Variants in LRRC4C observed in about 807,000 individuals in gnomAD.
The protein encoded by LRRC4C is leucine rich repeat containing 4C, also known as leucine-rich repeat-containing protein 4C.
Under a neutral mutation model 33.6 loss-of-function variants are expected in LRRC4C, and 5 were observed. The observed-to-expected ratio is 0.15, with a 90% confidence interval of 0.08 to 0.31. The LOEUF is 0.31. Among genes scored for constraint, LRRC4C ranks in the 10% least tolerant of loss-of-function variants. The pLI is 1.00. For missense variants in LRRC4C, 560 were observed against 796.7 expected (o/e 0.70, Z 3.58); for synonymous variants, 329 against 302.0 (o/e 1.09, Z -0.93).
chr11:41,257,953 A>G (rs1241475355), intron 1 of LRRC4C, among the ~76,000 whole-genome samples: 1 of 151,846 alleles, frequency 6.6e-6, no homozygotes, highest in Non-Finnish European at 1.5e-5. Flanking sequence ...CCATTTTTTC[A>G]TGGTGTGTTT....
At chr11:40,150,602 A>G (rs1408612151) in intron 5 of LRRC4C, among the ~76,000 whole-genome samples, 1 of 152,094 alleles carries the variant, frequency 6.6e-6, no homozygotes, top group Non-Finnish European at 1.5e-5. Context: ...ATGCCTGGCT[A>G]ATTTTTTTAA....
chr11:40,573,258 A>C lies in LRRC4C; in HGVS notation c.-270+74884T>G, dbSNP rs553512263. Among the ~76,000 whole-genome samples the C allele has an allele frequency of 3.3e-5, 5 of 152,322 alleles. No homozygotes were observed. The South Asian group carries it at 1.0e-3, about 32-fold the overall frequency. On this transcript the variant is annotated intron_variant, in intron 3 of 6. Transcript: ENST00000528697. The stretch of plus-strand genomic sequence containing the variant: ...TCATGTTCTATATACCTACAAACCT[A>C]TAAAGACAAAATTCATTGGTGTTTC...
chr11:40,154,861 C>T (rs879559878), intron 5 of LRRC4C, among the ~76,000 whole-genome samples: 17 of 151,996 alleles, frequency 1.1e-4, no homozygotes, highest in African/African-American at 2.7e-4. Context: ...TGGACTTAAA[C>T]GAATATACAG....
intron 3 of LRRC4C, among the ~76,000 whole-genome samples, chr11:40,432,637 C>T (rs1244951733): frequency 2.0e-5 from 3 of 152,194 alleles, no homozygotes; most frequent in Non-Finnish European, 4.4e-5. Context: ...GTCTTCTCTA[C>T]ATGAATGTAT....
intron 5 of LRRC4C, among the ~76,000 whole-genome samples, chr11:40,227,927 A>T (rs1165239169): frequency 6.6e-6 from 1 of 152,214 alleles, no homozygotes; most frequent in Non-Finnish European, 1.5e-5. Context: ...GATGAGTCAT[A>T]TGTTAACCCA....
intron 1 of LRRC4C, among the ~76,000 whole-genome samples, chr11:40,992,427 A>G (rs1853646985): frequency 7.4e-6 from 1 of 135,520 alleles, no homozygotes; most frequent in Non-Finnish European, 1.6e-5. Flanking sequence ...AAGCATAAAC[A>G]AAAGTGGTTT....
At chr11:41,328,528 A>T (rs1951193967) in intron 1 of LRRC4C, among the ~76,000 whole-genome samples, 1 of 152,078 alleles carries the variant, frequency 6.6e-6, no homozygotes, top group African/African-American at 2.4e-5. Context: ...TGCTCTGTCA[A>T]CACGCTCCTT....
rs551675306 is a variant in LRRC4C, at chr11:41,002,391, TC to T, written c.-495-68669del. Among the ~76,000 whole-genome samples, 20 of 152,288 alleles carry T rather than the reference TC, an allele frequency of 1.3e-4. No individual in the cohort carries two copies. The East Asian group carries it at 3.7e-3, about 28-fold the overall frequency. On this transcript the variant is annotated intron_variant, in intron 1 of 6. Coordinates refer to ENST00000528697, the MANE Select transcript of LRRC4C (RefSeq NM_001258419.2). ...ACCCATCATCCATCTTGCCATTGGA[TC>T]CACATCCTTCTGCTGAGCAGCTCCT... is the stretch of plus-strand genomic sequence containing the variant.
intron 1 of LRRC4C, among the ~76,000 whole-genome samples, chr11:41,445,812 A>G (rs1955802933): frequency 6.6e-6 from 1 of 151,830 alleles, no homozygotes; most frequent in Non-Finnish European, 1.5e-5. Context: ...CTTTCTTCAA[A>G]TGAAGATCCA....
chr11:41,066,331 T>C (rs766999653), intron 1 of LRRC4C, among the ~76,000 whole-genome samples: 1 of 152,040 alleles, frequency 6.6e-6, no homozygotes, highest in Non-Finnish European at 1.5e-5. Flanking sequence ...CTGAAGACCA[T>C]CTTTCTTAAA....
At chr11:41,009,867 TG>T (rs1185045001) in intron 1 of LRRC4C, among the ~76,000 whole-genome samples, 1 of 152,120 alleles carries the variant, frequency 6.6e-6, no homozygotes, top group East Asian at 1.9e-4. Context: ...AATGTGAATT[TG>T]TATAGAAATA....
At chr11:40,167,014 T>C (rs950348189) in intron 5 of LRRC4C, among the ~76,000 whole-genome samples, 2 of 152,188 alleles carry the variant, frequency 1.3e-5, no homozygotes, top group Admixed American at 1.3e-4. Flanking sequence ...GCATTGATTC[T>C]ACATTAGTTA....
chr11:40,220,744 TAAAC>T (rs1406751515), intron 5 of LRRC4C, among the ~76,000 whole-genome samples: 1 of 152,118 alleles, frequency 6.6e-6, no homozygotes, highest in African/African-American at 2.4e-5. Flanking sequence ...AATAAAATAT[TAAAC>T]AGTACACAAA....
chr11:40,274,451 A>ACACACG (rs1338505384), intron 4 of LRRC4C, among the ~76,000 whole-genome samples: 1 of 151,656 alleles, frequency 6.6e-6, no homozygotes, highest in East Asian at 1.9e-4. Context: ...ACACACACAC[A>ACACACG]CACACACACA....
intron 6 of LRRC4C, among the ~76,000 whole-genome samples, chr11:40,122,931 G>A (rs953891872): frequency 4.2e-5 from 6 of 142,190 alleles, no homozygotes; most frequent in East Asian, 2.1e-4. Context: ...TATAAAAAGT[G>A]TATGTGTATA....
At chr11:40,732,288 G>A (rs1267466419) in intron 2 of LRRC4C, among the ~76,000 whole-genome samples, 1 of 152,060 alleles carries the variant, frequency 6.6e-6, no homozygotes, top group Non-Finnish European at 1.5e-5. Context: ...TACTCAAGGA[G>A]GTACAATAAT....
At chr11:40,866,120 T>C (rs1457797233) in intron 2 of LRRC4C, among the ~76,000 whole-genome samples, 1 of 142,346 alleles carries the variant, frequency 7.0e-6, no homozygotes, top group Non-Finnish European at 1.5e-5. Flanking sequence ...GACCGATCAA[T>C]AACAGAGCAG....
intron 1 of LRRC4C, among the ~76,000 whole-genome samples, chr11:41,380,328 G>A (rs1248598784): frequency 1.3e-5 from 2 of 152,164 alleles, no homozygotes; most frequent in East Asian, 1.9e-4. Flanking sequence ...CATTTTTAAT[G>A]TTTGTTTATT....
At chr11:41,229,355 CTG>C (rs981046193) in intron 1 of LRRC4C, among the ~76,000 whole-genome samples, 8 of 152,090 alleles carry the variant, frequency 5.3e-5, no homozygotes, top group Non-Finnish European at 1.5e-5. Flanking sequence ...AGTTCCAGAA[CTG>C]TGAGAAAATA....
Sources: allele counts gnomAD v4.1 joint callset (sites outside exome capture counted in the v4.1 genomes callset), GRCh38; gene constraint gnomAD v4.1.1; transcripts MANE v1.5; gene names NCBI Gene and HGNC (gene_info 2026-07-23, HGNC 2026-07-21).